NRP2: variants seen among roughly 807,000 people sequenced by gnomAD.
NRP2 encodes neuropilin 2.
In NRP2, 52 loss-of-function variants were observed where a neutral mutation model predicts 110.4. The observed-to-expected ratio is 0.47, with a 90% CI of 0.38 to 0.59. NRP2 has a LOEUF of 0.59. NRP2 is among the 20% of genes least tolerant of loss of function. NRP2 has a pLI of 0.00. For synonymous variants in NRP2, 508 were observed against 468.9 expected (o/e 1.08, Z -1.08); for missense variants, 1,049 against 1,203.0 (o/e 0.87, Z 1.89).
At chr2:205,765,267 C>A (rs1287397536) in intron 13 of NRP2, among the ~76,000 whole-genome samples, 4 of 152,020 alleles carry the variant, frequency 2.6e-5, no homozygotes, top group African/African-American at 9.7e-5. Flanking sequence ...CTTAAATATG[C>A]GTTTGATTTG....
chr2:205,707,722 G>T (rs1462346054), intron 2 of NRP2, among the ~76,000 whole-genome samples: 2 of 152,176 alleles, frequency 1.3e-5, no homozygotes, highest in African/African-American at 4.8e-5. Context: ...TTCCCAGCAG[G>T]CTCCCGTTTT....
Position 205,725,813 on chromosome 2 carries a change from T to A in NRP2, c.821-100T>A. 8.5e-7 allele frequency: 1 copy of A among 1,181,926 alleles called. No homozygotes were observed. Among genetic ancestry groups the A allele is most frequent in the Non-Finnish European group, 1.3e-6 (1 of 790,372 alleles). The allele number at this position is 1,181,926 out of a possible 1,614,324, so 73.2% of individuals were successfully genotyped here. ...AATTAGGGTCTTTTAAATGAGGAAG[T>A]GCCTGCAAGGACTTGTCCCTAGAAG... On this transcript the variant is annotated intron_variant, in intron 5 of 16. Transcript: ENST00000357785. This position sits in a 1 kb window ranked among gnomAD's most constrained non-coding sequence, Gnocchi z 4.1.
At position 205,764,016 on chromosome 2, in the gene NRP2, G is replaced by C. The variant is rs191891142; in HGVS notation, c.2307+80G>C. ...GAGCCCATTCATCGTTAGGGAACGT[G>C]GTTAAGCGCTACTGTTTTCATTGTG... On this transcript the variant is annotated intron_variant, in intron 13 of 16. Coordinates refer to ENST00000357785, the MANE Select transcript of NRP2 (RefSeq NM_003872.3). The C allele has an allele frequency of 4.6e-5, 72 of 1,551,274 alleles. No homozygotes were observed. In the East Asian group the frequency reaches 1.6e-3, roughly 34 times the overall value.
At chr2:205,772,943 C>A (rs906962709) in intron 15 of NRP2, among the ~76,000 whole-genome samples, 7 of 152,224 alleles carry the variant, frequency 4.6e-5, no homozygotes, top group Non-Finnish European at 7.3e-5. Flanking sequence ...ACCAGTAGGT[C>A]ATCAACATTT....
intron 7 of NRP2, among the ~76,000 whole-genome samples, chr2:205,734,853 T>G (rs1237867811): frequency 6.6e-6 from 1 of 152,204 alleles, no homozygotes; most frequent in Non-Finnish European, 1.5e-5. Context: ...CTGCGCTGTC[T>G]TGGAAATATT....
chr2:205,744,338 A>C lies in NRP2; in HGVS notation c.1641+786A>C, dbSNP rs145745934. ...TTTTGGAGGCCAAGCTATAGAAACTAGAGGATGACTTCCAAAAATAACGAT... is the reference window on the plus strand; with the variant it reads ...TTTTGGAGGCCAAGCTATAGAAACTCGAGGATGACTTCCAAAAATAACGAT... On this transcript the variant is annotated intron_variant, in intron 9 of 16. Coordinates refer to ENST00000357785, the MANE Select transcript of NRP2 (RefSeq NM_003872.3). Among the ~76,000 whole-genome samples, 286 of 152,354 alleles carry C rather than the reference A, an allele frequency of 1.9e-3. 2 individuals are homozygous for C. The highest frequency in any genetic ancestry group is 6.6e-3 in the African/African-American group (275 of 41,590).
chr2:205,765,642 A>C (rs752178767), intron 14 of NRP2, 72 bp downstream of exon 14: 3 of 1,310,066 alleles, frequency 2.3e-6, no homozygotes. Context: ...AAGAGGAGGC[A>C]GGACACCATT....
chr2:205,693,511 G>C (rs2056356225), intron 1 of NRP2, among the ~76,000 whole-genome samples: 1 of 151,794 alleles, frequency 6.6e-6, no homozygotes, highest in African/African-American at 2.4e-5. Flanking sequence ...GGTCTAGGTA[G>C]AGTTTTGTTC....
At position 205,752,891 on chromosome 2, in the gene NRP2, C is replaced by A; in HGVS notation, c.1960C>A (p.Pro654Thr). Residue 654 changes from proline to threonine, a missense_variant, in exon 12 of 17, where the codon CCC (proline) becomes ACC (threonine). Pro to Thr is a conservative substitution (Grantham distance 38). Transcript: ENST00000357785. ...FNCNFDFLEE[P>T]CGWMYDHAKW... Reference sequence around the variant, plus strand: ...TTGCAACTTCGATTTCCTCGAGGAGCCCTGTGGTTGGATGTATGACCATGC... The same window carrying A: ...TTGCAACTTCGATTTCCTCGAGGAGACCTGTGGTTGGATGTATGACCATGC... 1 of 1,614,220 alleles carries A rather than the reference C, an allele frequency of 6.2e-7. No individual in the cohort carries two copies. Among genetic ancestry groups the A allele is most frequent in the Non-Finnish European group, 8.5e-7 (1 of 1,180,034 alleles).
chr2:205,686,850 G>C lies in NRP2; in HGVS notation c.73+3487G>C, dbSNP rs1461899185. ...TCCTGTTCTTTCGGTTTCAGACAGA[G>C]AGGAGAGCCCCCTGGCGCTAGCCAT... On this transcript the variant is annotated intron_variant, in intron 1 of 16. Transcript: ENST00000357785. The surrounding 1 kb of genome is among the most constrained non-coding windows in gnomAD (Gnocchi z 4.7). Among the ~76,000 whole-genome samples the C allele has an allele frequency of 6.6e-6, 1 of 152,216 alleles. No individual in the cohort carries two copies. Among genetic ancestry groups the C allele is most frequent in the Non-Finnish European group, 1.5e-5 (1 of 68,038 alleles).
intron 1 of NRP2, among the ~76,000 whole-genome samples, chr2:205,697,017 T>G (rs1575547846): frequency 6.6e-6 from 1 of 152,216 alleles, no homozygotes; most frequent in East Asian, 1.9e-4. Flanking sequence ...GTGCTTCCTC[T>G]GCACCACATG....
At chr2:205,737,695 G>T (rs1327715601) in intron 7 of NRP2, among the ~76,000 whole-genome samples, 1 of 152,222 alleles carries the variant, frequency 6.6e-6, no homozygotes, top group Non-Finnish European at 1.5e-5. Flanking sequence ...GTAATTTGAA[G>T]CTAAGTTGAA....
chr2:205,732,455 T>C (rs540238521), intron 7 of NRP2, among the ~76,000 whole-genome samples: 324 of 152,348 alleles, frequency 2.1e-3, no homozygotes, highest in African/African-American at 7.1e-3. Context: ...ATGTCTATTT[T>C]CAGATCTTCT....
At chr2:205,692,243 G>T (rs2056329535) in intron 1 of NRP2, among the ~76,000 whole-genome samples, 1 of 152,184 alleles carries the variant, frequency 6.6e-6, no homozygotes, top group South Asian at 2.1e-4. Context: ...AAATTGAGTA[G>T]ATTGCATCCC....
intron 7 of NRP2, among the ~76,000 whole-genome samples, chr2:205,737,797 A>AG (rs898956033): frequency 6.6e-6 from 1 of 152,228 alleles, no homozygotes; most frequent in Non-Finnish European, 1.5e-5. Flanking sequence ...TAGATGGCCT[A>AG]GGGGACACAA....
At chr2:205,703,713 A>G (rs997876357) in intron 2 of NRP2, among the ~76,000 whole-genome samples, 6 of 152,222 alleles carry the variant, frequency 3.9e-5, no homozygotes, top group Admixed American at 2.6e-4. Context: ...GCCAGGCAGC[A>G]GGGAGTGTGT....
At chr2:205,701,564 A>G (rs558907090) in intron 2 of NRP2, 1 of 152,106 alleles carries the variant, frequency 6.6e-6, no homozygotes, top group Non-Finnish European at 1.5e-5. Flanking sequence ...AGAATTGGTA[A>G]TTTCTAGATG....
rs2056151859 is a variant in NRP2 at position 205,686,049 on chromosome 2, C to T, written c.73+2686C>T. ...CCTCCTAGCCCTCCCTCCCCTTCCC[C>T]GCCCCCCAGCGCCTTCTCTAACGCC... On this transcript the variant is annotated intron_variant, in intron 1 of 16. Coordinates refer to ENST00000357785, the MANE Select transcript of NRP2 (RefSeq NM_003872.3). The surrounding 1 kb of genome is among the most constrained non-coding windows in gnomAD (Gnocchi z 4.7). 1.3e-5 allele frequency among the ~76,000 whole-genome samples: 2 copies of T among 152,112 alleles called. No homozygotes were observed. The highest frequency in any genetic ancestry group is 1.5e-5 in the Non-Finnish European group (1 of 68,008).
chr2:205,726,551 A>G (rs994313193), intron 6 of NRP2, among the ~76,000 whole-genome samples: 1 of 152,150 alleles, frequency 6.6e-6, no homozygotes, highest in African/African-American at 2.4e-5. Flanking sequence ...AGAAGAACAC[A>G]TAGGAAAATG....
Sources: allele counts gnomAD v4.1 joint callset (sites outside exome capture counted in the v4.1 genomes callset), GRCh38; gene constraint gnomAD v4.1.1; non-coding constraint Gnocchi (gnomAD v3.1); transcripts MANE v1.5; gene names NCBI Gene and HGNC (gene_info 2026-07-23, HGNC 2026-07-21).